Variants in SUCLG2 observed in about 807,000 individuals in gnomAD.
SUCLG2 encodes the protein succinate--CoA ligase [GDP-forming] subunit beta, mitochondrial.
In SUCLG2, 42 loss-of-function variants were observed where a neutral mutation model predicts 47.9. The ratio of observed to expected loss-of-function variants is 0.88; its 90% confidence interval spans 0.69 to 1.14. The LOEUF is 1.14. Among genes scored for constraint, SUCLG2 ranks in the 50% most tolerant of loss-of-function variants. SUCLG2 has a pLI of 0.00. For missense variants in SUCLG2, 571 were observed against 525.9 expected (o/e 1.09, Z -0.84); for synonymous variants, 195 against 197.3 (o/e 0.99, Z 0.10).
intron 9 of SUCLG2, among the ~76,000 whole-genome samples, chr3:67,431,774 A>T (rs557950122): frequency 6.6e-6 from 1 of 152,066 alleles, no homozygotes; most frequent in African/African-American, 2.4e-5. Flanking sequence ...CCATTAGGAG[A>T]TATACCTAAT....
chr3:67,447,688 T>C (rs1347242636), intron 9 of SUCLG2, among the ~76,000 whole-genome samples: 1 of 152,224 alleles, frequency 6.6e-6, no homozygotes, highest in Non-Finnish European at 1.5e-5. Context: ...CATAAAAACT[T>C]GAAAAAATTT....
chr3:67,654,264 C>T (rs1397352707), intron 1 of SUCLG2, among the ~76,000 whole-genome samples: 1 of 152,206 alleles, frequency 6.6e-6, no homozygotes, highest in African/African-American at 2.4e-5. Flanking sequence ...AGCGGAGACT[C>T]TAGTGCGTTG....
At chr3:67,633,655 T>C (rs1700962578) in intron 1 of SUCLG2, among the ~76,000 whole-genome samples, 1 of 152,198 alleles carries the variant, frequency 6.6e-6, no homozygotes. Flanking sequence ...CCTGTCAATG[T>C]CTATGTTCAA....
intron 10 of SUCLG2, among the ~76,000 whole-genome samples, chr3:67,380,010 C>T (rs556696940): frequency 7.9e-5 from 12 of 152,258 alleles, no homozygotes; most frequent in East Asian, 3.9e-4. Context: ...TGCTGACCGA[C>T]GGGGTAACTC....
intron 1 of SUCLG2, among the ~76,000 whole-genome samples, 172 bp downstream of exon 1, chr3:67,654,331 T>C (rs893703402): frequency 2.0e-5 from 3 of 152,106 alleles, no homozygotes; most frequent in Non-Finnish European, 4.4e-5. Flanking sequence ...TGCCCCACAC[T>C]GGAGCGGGGT....
chr3:67,516,188 GA>G lies in SUCLG2; in HGVS notation c.660+2058del, dbSNP rs558702258. On this transcript the variant is annotated intron_variant, in intron 6 of 10. Coordinates refer to ENST00000307227, the MANE Select transcript of SUCLG2 (RefSeq NM_003848.4). The stretch of plus-strand genomic sequence containing the variant: ...TTTCATGGAGTTAGCAGTGAAAAAA[GA>G]AAAAAACAAATTAAAACATTTTATT... Among the ~76,000 whole-genome samples, 24 of 152,046 alleles carry G rather than the reference GA, an allele frequency of 1.6e-4. No individual in the cohort carries two copies. In the South Asian group the frequency reaches 5.0e-3, roughly 32 times the overall value.
chr3:67,637,652 T>C (rs903238715), intron 1 of SUCLG2, among the ~76,000 whole-genome samples: 4 of 152,232 alleles, frequency 2.6e-5, no homozygotes, highest in Non-Finnish European at 5.9e-5. Flanking sequence ...CAACCTGATC[T>C]TCATGCTCCA....
intron 9 of SUCLG2, among the ~76,000 whole-genome samples, chr3:67,410,526 C>T (rs1262806356): frequency 6.6e-6 from 1 of 152,108 alleles, no homozygotes; most frequent in Non-Finnish European, 1.5e-5. Context: ...GTTCCCGTAT[C>T]CTTTTGAACT....
At chr3:67,377,875 A>G (rs753069465) in intron 10 of SUCLG2, among the ~76,000 whole-genome samples, 9 of 152,162 alleles carry the variant, frequency 5.9e-5, no homozygotes, top group Non-Finnish European at 1.2e-4. Flanking sequence ...GCTGGTCCTG[A>G]ACTCCTAAAC....
intron 9 of SUCLG2, among the ~76,000 whole-genome samples, chr3:67,469,768 G>A (rs1038991241): frequency 3.3e-5 from 5 of 151,350 alleles, no homozygotes; most frequent in South Asian, 2.1e-4. Context: ...ATTATGGCCC[G>A]GGCACGGTGG....
In SUCLG2 at chr3:67,395,667, G is replaced by A. The variant is rs1321154065; in HGVS notation, c.1183+5064C>T. 2.0e-4 allele frequency among the ~76,000 whole-genome samples: 31 copies of A among 152,206 alleles called. No individual in the cohort carries two copies. The East Asian group carries it at 4.1e-3, about 20-fold the overall frequency. On this transcript the variant is annotated intron_variant, in intron 10 of 10. Transcript: ENST00000307227. ...AATTGAACTCAGCTCTGCACCAAGT[G>A]GACCTAATAGACATCTACAGAACTC...
At chr3:67,648,136 T>A (rs1368945898) in intron 1 of SUCLG2, among the ~76,000 whole-genome samples, 1 of 152,206 alleles carries the variant, frequency 6.6e-6, no homozygotes, top group Non-Finnish European at 1.5e-5. Context: ...GATCCCCTTT[T>A]CAAGTAACAG....
intron 2 of SUCLG2, among the ~76,000 whole-genome samples, chr3:67,585,764 A>T (rs12485966): frequency 0.46 from 69,033 of 151,636 alleles, 16,785 homozygotes; most frequent in Admixed American, 0.55. Context: ...GAAGTTCAAG[A>T]CCAGCCTGGC....
chr3:67,447,929 AT>A (rs1703964477), intron 9 of SUCLG2, among the ~76,000 whole-genome samples: 1 of 152,146 alleles, frequency 6.6e-6, no homozygotes, highest in Admixed American at 6.5e-5. Context: ...GGGTTTTGCC[AT>A]GTTGGCCAGG....
At chr3:67,365,379 T>C (rs1326686807) in intron 10 of SUCLG2, among the ~76,000 whole-genome samples, 1 of 152,182 alleles carries the variant, frequency 6.6e-6, no homozygotes, top group African/African-American at 2.4e-5. Flanking sequence ...AATCACTTTG[T>C]TCAGATTATG....
chr3:67,525,888 C>T (rs1246048023), intron 4 of SUCLG2, among the ~76,000 whole-genome samples: 3 of 152,074 alleles, frequency 2.0e-5, no homozygotes, highest in African/African-American at 7.2e-5. Context: ...AGCACATATC[C>T]AACAGTGGAC....
rs142796981 is a variant in SUCLG2, at chr3:67,499,034, A to G, written c.758-739T>C. On this transcript the variant is annotated intron_variant, in intron 7 of 10. Coordinates refer to ENST00000307227, the MANE Select transcript of SUCLG2 (RefSeq NM_003848.4). ...GTGCAATATGAACGAAGTTTGGTAT[A>G]TCTGAGATTCCTGGAACCGATTCCC... is the stretch of plus-strand genomic sequence containing the variant. Among the ~76,000 whole-genome samples, 207 of 152,292 alleles carry G rather than the reference A, an allele frequency of 1.4e-3. 4 individuals are homozygous for G. The East Asian group carries it at 0.035, about 26-fold the overall frequency.
intron 9 of SUCLG2, among the ~76,000 whole-genome samples, chr3:67,475,489 A>C (rs1281330828): frequency 1.3e-5 from 2 of 152,206 alleles, no homozygotes; most frequent in East Asian, 3.9e-4. Flanking sequence ...ACATGCAGAA[A>C]TTAAACATTT....
chr3:67,521,065 T>C (rs1302009275), intron 4 of SUCLG2, among the ~76,000 whole-genome samples: 3 of 152,240 alleles, frequency 2.0e-5, no homozygotes, highest in East Asian at 3.8e-4. Context: ...TTTTACAGTA[T>C]GTCTGATGCT....
Sources: gnomAD v4.1 joint callset for allele counts (sites outside exome capture counted in the v4.1 genomes callset) on GRCh38, gnomAD v4.1.1 for gene constraint, MANE v1.5 for transcripts, NCBI Gene and HGNC (gene_info 2026-07-23, HGNC 2026-07-21) for gene names.